The following NAV1 variants were observed in gnomAD, a reference collection of about 807,000 sequenced individuals.
The protein encoded by NAV1 is neuron navigator 1.
In NAV1, 18 loss-of-function variants were observed where a neutral mutation model predicts 175.2. The ratio of observed to expected loss-of-function variants is 0.10; its 90% CI spans 0.07 to 0.15. The LOEUF (loss-of-function observed/expected upper bound fraction) is 0.15. Among genes scored for constraint, NAV1 ranks in the 10% least tolerant of loss-of-function variants. The probability of loss-of-function intolerance (pLI) is 1.00; values close to 1 mark genes in which losing one functional copy is unlikely to be tolerated. For synonymous variants in NAV1, 897 were observed against 978.7 expected (o/e 0.92, Z 1.56); for missense variants, 1,731 against 2,436.6 (o/e 0.71, Z 6.10).
At chr1:201,768,291 T>C (rs936537572) in intron 3 of NAV1, among the ~76,000 whole-genome samples, 1 of 142,816 alleles carries the variant, frequency 7.0e-6, no homozygotes, top group African/African-American at 2.7e-5. Flanking sequence ...ATTGCGCCAT[T>C]GCACTGCAGC....
At position 201,734,254 on chromosome 1, in the gene NAV1, T is replaced by A. The variant is rs1454503015; in HGVS notation, c.1226+15499T>A. On this transcript the variant is annotated intron_variant, in intron 3 of 29. Transcript: ENST00000367296. ...AAGACTCCTTCTGTACAAAAAATTT[T>A]AAAATTAGCTGGCGATGATGGCTTG... Among the ~76,000 whole-genome samples, 3 of 151,594 alleles carry A rather than the reference T, an allele frequency of 2.0e-5. No individual in the cohort carries two copies. In the South Asian group the frequency reaches 6.3e-4, roughly 32 times the overall value.
chr1:201,809,908 G>T (rs375837538), intron 22 of NAV1, 38 bp from the exon 27 acceptor site: 2 of 1,584,266 alleles, frequency 1.3e-6, no homozygotes, highest in African/African-American at 2.7e-5. Context: ...ACCTGTGTTT[G>T]TATATTTTCT....
In NAV1 at chr1:201,807,862, GCTCT is replaced by G; in HGVS notation, c.3649-86_3649-83del. On this transcript the variant is annotated intron_variant, in intron 17 of 29. Transcript: ENST00000367296. This position sits in a 1 kb window ranked among gnomAD's most constrained non-coding sequence, Gnocchi z 5.4. ...AATTAAAGTAAATCCCCCGCCTCCA[GCTCT>G]CTCTGTCTCAGAAGTCTCAATCCAG... is the stretch of plus-strand genomic sequence containing the variant. 7.9e-7 allele frequency: 1 copy of G among 1,268,788 alleles called. No homozygotes were observed. The highest frequency in any genetic ancestry group is 1.1e-6 in the Non-Finnish European group (1 of 886,790). The allele number at this position is 1,268,788 out of a possible 1,614,324, so 78.6% of individuals were successfully genotyped here. A position where few individuals can be genotyped will look rare whatever the true frequency, so the allele number is the denominator to read the frequency against.
chr1:201,586,693 GGAGA>G (rs369133434), intron 1 of NAV1, among the ~76,000 whole-genome samples: 1 of 151,780 alleles, frequency 6.6e-6, no homozygotes, highest in East Asian at 1.9e-4. Flanking sequence ...AGGGAGAGGG[GGAGA>G]GAGAGAGATC....
At chr1:201,561,200 G>A (rs1023221635) in intron 1 of NAV1, among the ~76,000 whole-genome samples, 5 of 152,182 alleles carry the variant, frequency 3.3e-5, no homozygotes, top group African/African-American at 9.7e-5. Context: ...GGACAGAGTC[G>A]GCAGTCCCTC....
intron 15 of NAV1, among the ~76,000 whole-genome samples, chr1:201,802,610 C>G (rs1678004470): frequency 6.6e-6 from 1 of 151,654 alleles, no homozygotes; most frequent in Middle Eastern, 3.5e-3. Flanking sequence ...GAAACCCCGT[C>G]TCTACTAAAA....
In NAV1 at chr1:201,539,867, C is replaced by A. The variant is rs989603839; in HGVS notation, c.-144+525C>A. Reference sequence around the variant, plus strand: ...GCCGTTCCAGAAAACGTTCCCCGCACCCCCGGGATGCGCCGGGAAGCGCCC... The same window carrying A: ...GCCGTTCCAGAAAACGTTCCCCGCAACCCCGGGATGCGCCGGGAAGCGCCC... On this transcript the variant is annotated intron_variant, in intron 1 of 33. Transcript: ENST00000685211. The surrounding 1 kb of genome is among the most constrained non-coding windows in gnomAD (Gnocchi z 5.6). Among the ~76,000 whole-genome samples the A allele has an allele frequency of 6.6e-6, 1 of 152,164 alleles. No individual in the cohort carries two copies. The highest frequency in any genetic ancestry group is 2.1e-4 in the South Asian group (1 of 4,830).
chr1:201,595,345 C>A (rs1035189139), intron 2 of NAV1, among the ~76,000 whole-genome samples: 2 of 152,268 alleles, frequency 1.3e-5, no homozygotes, highest in Non-Finnish European at 2.9e-5. Context: ...CTTTGCTTCT[C>A]TTCCTTCATT....
Position 201,787,621 on chromosome 1 carries a change from A to T in NAV1, c.2996-847A>T, listed in dbSNP as rs1233410944. 2.2e-6 allele frequency: 1 copy of T among 455,482 alleles called. No individual in the cohort carries two copies. Among genetic ancestry groups the T allele is most frequent in the East Asian group, 7.0e-5 (1 of 14,384 alleles). 28.2% of individuals were successfully genotyped at this position (455,482 alleles called of 1,614,324 possible). On this transcript the variant is annotated intron_variant, in intron 9 of 29. Coordinates refer to ENST00000367296, the Ensembl canonical transcript of NAV1. This position sits in a 1 kb window ranked among gnomAD's most constrained non-coding sequence, Gnocchi z 4.3. Reference sequence around the variant, plus strand: ...ATTACCTCAGGAATTTGAAAAGGTCAACAGAGAGGTGTGCCATCTTCTTCT... The same window carrying T: ...ATTACCTCAGGAATTTGAAAAGGTCTACAGAGAGGTGTGCCATCTTCTTCT...
intron 2 of NAV1, among the ~76,000 whole-genome samples, chr1:201,599,030 T>G (rs1379116892): frequency 1.3e-5 from 2 of 152,144 alleles, no homozygotes; most frequent in African/African-American, 4.8e-5. Context: ...GGACAGGACT[T>G]TTGTTGGCCC....
At chr1:201,802,457 T>TAAAAAAAAAAAAAA (rs34494216) in intron 15 of NAV1, among the ~76,000 whole-genome samples, 1 of 101,086 alleles carries the variant, frequency 9.9e-6, no homozygotes, top group African/African-American at 4.1e-5. Context: ...CCTGTCTCAT[T>TAAAAAAAAAAAAAA]AAAAAAAAAA....
In NAV1 at chr1:201,641,603, G is replaced by A. The variant is rs192794880; in HGVS notation, c.5-7031G>A. On this transcript the variant is annotated intron_variant, in intron 2 of 29. Transcript: ENST00000367302. Reference sequence around the variant, plus strand: ...GCTAGAGGGCTTTCCACAAAGGCAGGGGTGTTGGCATCTGCTAGGCAGGTG... The same window carrying A: ...GCTAGAGGGCTTTCCACAAAGGCAGAGGTGTTGGCATCTGCTAGGCAGGTG... 3.9e-5 allele frequency among the ~76,000 whole-genome samples: 6 copies of A among 152,312 alleles called. No individual in the cohort carries two copies. The East Asian group carries it at 5.8e-4, about 15-fold the overall frequency.
intron 3 of NAV1, among the ~76,000 whole-genome samples, chr1:201,727,872 A>G (rs1672675570): frequency 6.6e-6 from 1 of 152,162 alleles, no homozygotes; most frequent in African/African-American, 2.4e-5. Flanking sequence ...GGCAGCTCCT[A>G]GAGGGCATTG....
intron 1 of NAV1, among the ~76,000 whole-genome samples, chr1:201,664,036 G>T (rs563885025): frequency 6.6e-6 from 1 of 152,256 alleles, no homozygotes; most frequent in Admixed American, 6.5e-5. Context: ...CTAAGTCATC[G>T]TCATTACTCT....
At chr1:201,681,852 C>T (rs935345892) in intron 1 of NAV1, among the ~76,000 whole-genome samples, 4 of 152,010 alleles carry the variant, frequency 2.6e-5, no homozygotes, top group African/African-American at 2.4e-5. Context: ...CTGTGGCTCA[C>T]GCCTATAATC....
intron 3 of NAV1, among the ~76,000 whole-genome samples, chr1:201,777,459 C>G (rs1347809560): frequency 6.6e-6 from 1 of 151,696 alleles, no homozygotes. Flanking sequence ...TGTACTATTT[C>G]TTTTGTTTTG....
intron 2 of NAV1, among the ~76,000 whole-genome samples, chr1:201,631,534 G>A (rs1294488013): frequency 6.6e-6 from 1 of 152,208 alleles, no homozygotes. Flanking sequence ...CCTTCAAGAT[G>A]TTCACAGCCC....
intron 1 of NAV1, among the ~76,000 whole-genome samples, chr1:201,586,689 A>C: frequency 1.3e-5 from 2 of 152,052 alleles, no homozygotes; most frequent in East Asian, 3.9e-4. Flanking sequence ...AGAGAGGGAG[A>C]GGGGGAGAGA....
chr1:201,799,496 C>A (rs1421055766), intron 15 of NAV1, among the ~76,000 whole-genome samples: 1 of 152,096 alleles, frequency 6.6e-6, no homozygotes, highest in Non-Finnish European at 1.5e-5. Context: ...GTACAAAATT[C>A]AAAATGCACA....
Sources: gnomAD v4.1 joint callset for allele counts (sites outside exome capture counted in the v4.1 genomes callset) on GRCh38, gnomAD v4.1.1 for gene constraint, Gnocchi (gnomAD v3.1) non-coding constraint, MANE v1.5 for transcripts, NCBI Gene and HGNC (gene_info 2026-07-23, HGNC 2026-07-21) for gene names.